TMEM106B: variants seen among roughly 807,000 people sequenced by gnomAD.
The protein encoded by TMEM106B is transmembrane protein 106B.
Under a neutral mutation model 31.1 loss-of-function variants are expected in TMEM106B, and 15 were observed. The observed-to-expected ratio is 0.48, with a 90% CI of 0.32 to 0.74. TMEM106B has a LOEUF of 0.74. Among genes scored for constraint, TMEM106B ranks in the 30% least tolerant of loss-of-function variants. The probability of loss-of-function intolerance (pLI) is 0.03; values close to 1 mark genes in which losing one functional copy is unlikely to be tolerated. For missense variants in TMEM106B, 283 were observed against 327.3 expected (o/e 0.86, Z 1.04); for synonymous variants, 126 against 112.5 (o/e 1.12, Z -0.76).
chr7:12,225,693 C>G (rs940878323), intron 4 of TMEM106B, among the ~76,000 whole-genome samples: 54 of 152,132 alleles, frequency 3.5e-4, no homozygotes, highest in Non-Finnish European at 5.9e-4. Flanking sequence ...CGTTCATATC[C>G]TTCGCCCACT....
intron 6 of TMEM106B, 171 bp downstream of exon 6, chr7:12,230,609 A>T (rs1240497203): frequency 2.0e-6 from 1 of 490,440 alleles, no homozygotes; most frequent in Non-Finnish European, 3.5e-6. Flanking sequence ...TATAATATTC[A>T]TGTATATATA....
In TMEM106B at chr7:12,211,587, C is replaced by G. The variant is rs185862533; in HGVS notation, c.-3+162C>G. 289 of 152,542 alleles carry G rather than the reference C, an allele frequency of 1.9e-3. 1 individual carries two copies. Among genetic ancestry groups the G allele is most frequent in the African/African-American group, 6.5e-3 (271 of 41,596 alleles). The allele number at this position is 152,542 out of a possible 1,614,324, so 9.4% of individuals were successfully genotyped here. On this transcript the variant is annotated intron_variant, in intron 1 of 7. Coordinates refer to ENST00000396668, the MANE Select transcript of TMEM106B (RefSeq NM_001134232.2). ...AGGGCTGGTGATCGAGTTGCTGTGT[C>G]GCCTCTAATGAGGCCCAGCCAGGGA...
Position 12,239,278 on chromosome 7 carries a change from A to G in TMEM106B, c.*7303A>G, listed in dbSNP as rs1019415422. The G allele has an allele frequency of 1.3e-5, 2 of 152,142 alleles. No individual in the cohort carries two copies. Among genetic ancestry groups the G allele is most frequent in the Admixed American group, 1.3e-4 (2 of 15,262 alleles). The allele number at this position is 152,142 out of a possible 1,614,324, so 9.4% of individuals were successfully genotyped here. ...CCTCATCTCTCTCAGCCTTCATAGA[A>G]TTGAAGCGTGTTAGGGCTTTGTTCA... is the stretch of plus-strand genomic sequence containing the variant. On this transcript the variant is annotated 3_prime_UTR_variant, in exon 8 of 8. Coordinates refer to ENST00000396668, the MANE Select transcript of TMEM106B (RefSeq NM_001134232.2).
Position 12,238,084 on chromosome 7 carries a change from A to T in TMEM106B, c.*6109A>T, listed in dbSNP as rs1348215296. The T allele has an allele frequency of 6.6e-6, 1 of 152,480 alleles. No homozygotes were observed. Among genetic ancestry groups the T allele is most frequent in the South Asian group, 2.1e-4 (1 of 4,844 alleles). 9.4% of individuals were successfully genotyped at this position (152,480 alleles called of 1,614,324 possible). A position where few individuals can be genotyped will look rare whatever the true frequency, so the allele number is the denominator to read the frequency against. ...TGTGATGCTGTTTTGATAGCATTTT[A>T]CCAATGGTAGGTCTTTTTTCAAAAT... On this transcript the variant is annotated 3_prime_UTR_variant, in exon 8 of 8. Coordinates refer to ENST00000396668, the MANE Select transcript of TMEM106B (RefSeq NM_001134232.2).
intron 3 of TMEM106B, among the ~76,000 whole-genome samples, chr7:12,219,857 T>C (rs372020312): frequency 6.6e-6 from 1 of 152,098 alleles, no homozygotes; most frequent in Non-Finnish European, 1.5e-5. Context: ...ATGTATGTAA[T>C]TGGAGCATCT....
rs748197777 is a variant in TMEM106B at position 12,224,352 on chromosome 7, T to A, written c.408T>A (p.Asp136Glu). 2 of 1,612,418 alleles carry A rather than the reference T, an allele frequency of 1.2e-6. No homozygotes were observed. The highest frequency in any genetic ancestry group is 2.7e-5 in the African/African-American group (2 of 74,916). Residue 136 changes from aspartate (D) to glutamate (E), a missense_variant, in exon 4 of 8, where the codon GAT becomes GAA. Physicochemically the swap from Asp to Glu is conservative, Grantham distance 45 (BLOSUM62 2). Around this residue, in one of 3 missense-constraint regions of TMEM106B, gnomAD observed 201 missense variants for 211.5 expected, o/e 0.95. Transcript: ENST00000396668. ...TAAAATCAGCCTATGTCAGTTATGATGTTCAGAAGCGTACAATTTATTTAA... is the reference window on the plus strand; with the variant it reads ...TAAAATCAGCCTATGTCAGTTATGAAGTTCAGAAGCGTACAATTTATTTAA... ...IGVKSAYVSY[D>E]VQKRTIYLNI...
rs1441274612 is a variant in TMEM106B, at chr7:12,237,810, T to TACACACACACACACACACACACACACAC, written c.*5836_*5837insCACACACACACACACACACACACACACA. On this transcript the variant is annotated 3_prime_UTR_variant, in exon 8 of 8. Coordinates refer to ENST00000396668, the MANE Select transcript of TMEM106B (RefSeq NM_001134232.2). Reference sequence around the variant, plus strand: ...ACATGGCGAGACCCCATATAAAATATATACATACACACACACACACACACA... The same window carrying TACACACACACACACACACACACACACAC: ...ACATGGCGAGACCCCATATAAAATATACACACACACACACACACACACACACACATACATACACACACACACACACACA... 1 of 117,872 alleles carries TACACACACACACACACACACACACACAC rather than the reference T, an allele frequency of 8.5e-6. No individual in the cohort carries two copies. The highest frequency in any genetic ancestry group is 8.5e-5 in the Admixed American group (1 of 11,722). The allele number at this position is 117,872 out of a possible 1,614,324, so 7.3% of individuals were successfully genotyped here. A position where few individuals can be genotyped will look rare whatever the true frequency, so the allele number is the denominator to read the frequency against.
At chr7:12,221,693 C>T (rs1781790851) in intron 3 of TMEM106B, among the ~76,000 whole-genome samples, 1 of 152,178 alleles carries the variant, frequency 6.6e-6, no homozygotes. Context: ...TTCCAGCCTG[C>T]AGCACAAGGA....
At chr7:12,217,637 C>G (rs969950034) in intron 2 of TMEM106B, among the ~76,000 whole-genome samples, 2 of 152,068 alleles carry the variant, frequency 1.3e-5, no homozygotes, top group East Asian at 3.9e-4. Context: ...GATATGTAAA[C>G]ACACAAAGAT....
intron 3 of TMEM106B, among the ~76,000 whole-genome samples, chr7:12,221,827 C>G (rs556477295): frequency 6.6e-6 from 1 of 152,266 alleles, no homozygotes; most frequent in East Asian, 1.9e-4. Context: ...GGAGAGGGTG[C>G]TCTTAAGCCT....
chr7:12,211,496 G>A (rs1396090648), intron 1 of TMEM106B, 71 bp downstream of exon 1: 2 of 152,540 alleles, frequency 1.3e-5, no homozygotes, highest in African/African-American at 4.8e-5. Context: ...GCCGCGGCTT[G>A]AGCCGGGCCT....
In TMEM106B at chr7:12,233,395, T is replaced by C. The variant is rs1269088582; in HGVS notation, c.*1420T>C. Reference sequence around the variant, plus strand: ...AATCAGGTTTCCCTTTCCCCACCCCTAAGTGCCTAACTTAGGTCTGAAACA... The same window carrying C: ...AATCAGGTTTCCCTTTCCCCACCCCCAAGTGCCTAACTTAGGTCTGAAACA... On this transcript the variant is annotated 3_prime_UTR_variant, in exon 8 of 8. Transcript: ENST00000396668. 1 of 151,668 alleles carries C rather than the reference T, an allele frequency of 6.6e-6. No homozygotes were observed. The highest frequency in any genetic ancestry group is 1.5e-5 in the Non-Finnish European group (1 of 67,664). 9.4% of individuals were successfully genotyped at this position (151,668 alleles called of 1,614,324 possible). A position where few individuals can be genotyped will look rare whatever the true frequency, so the allele number is the denominator to read the frequency against.
intron 4 of TMEM106B, among the ~76,000 whole-genome samples, chr7:12,228,783 C>A (rs1327004825): frequency 1.3e-5 from 2 of 151,986 alleles, no homozygotes; most frequent in East Asian, 3.8e-4. Context: ...TTGGTGCTTT[C>A]TATAAATTGT....
intron 6 of TMEM106B, 157 bp from the exon 7 acceptor site, chr7:12,230,905 A>G (rs1177897545): frequency 5.8e-6 from 3 of 520,604 alleles, no homozygotes; most frequent in Middle Eastern, 5.1e-4. Flanking sequence ...GTAAGAAGTC[A>G]TGAATATATC....
At chr7:12,221,087 A>ATGTGTGT (rs1554308776) in intron 3 of TMEM106B, among the ~76,000 whole-genome samples, 9 of 149,952 alleles carry the variant, frequency 6.0e-5, no homozygotes, top group Non-Finnish European at 1.0e-4. Context: ...AAGCAAGTAA[A>ATGTGTGT]GTGTGTGTGT....
Position 12,229,667 on chromosome 7 carries a change from C to G in TMEM106B, c.442-12C>G, listed in dbSNP as rs762762259. 5.9e-6 allele frequency: 9 copies of G among 1,519,660 alleles called. No homozygotes were observed. Among genetic ancestry groups the G allele is most frequent in the Non-Finnish European group, 7.1e-6 (8 of 1,134,280 alleles). 94.1% of individuals were successfully genotyped at this position (1,519,660 alleles called of 1,614,324 possible). On this transcript the variant is annotated splice_polypyrimidine_tract_variant and intron_variant, in intron 4 of 7. Transcript: ENST00000396668. ...AGCTAACTTGTAAATTTTCTGTGTCCTTTTTTTGTAGAACACACTAAATAT... is the reference window on the plus strand; with the variant it reads ...AGCTAACTTGTAAATTTTCTGTGTCGTTTTTTTGTAGAACACACTAAATAT...
rs1782209423 is a variant in TMEM106B at position 12,239,899 on chromosome 7, G to C, written c.*7924G>C. Reference sequence around the variant, plus strand: ...GCAAAAATTACCAAAATGCGACAGAGACATGAAATGAGAACATGCTGTTGA... The same window carrying C: ...GCAAAAATTACCAAAATGCGACAGACACATGAAATGAGAACATGCTGTTGA... On this transcript the variant is annotated 3_prime_UTR_variant, in exon 8 of 8. Coordinates refer to ENST00000396668, the MANE Select transcript of TMEM106B (RefSeq NM_001134232.2). 1 of 152,044 alleles carries C rather than the reference G, an allele frequency of 6.6e-6. No individual in the cohort carries two copies. Among genetic ancestry groups the C allele is most frequent in the Non-Finnish European group, 1.5e-5 (1 of 68,000 alleles). 9.4% of individuals were successfully genotyped at this position (152,044 alleles called of 1,614,324 possible). A position where few individuals can be genotyped will look rare whatever the true frequency, so the allele number is the denominator to read the frequency against.
chr7:12,231,113 G>A lies in TMEM106B; in HGVS notation c.684G>A (p.Met228Ile). Residue 228 changes from methionine to isoleucine, a missense_variant and splice_region_variant, in exon 7 of 8, where the codon ATG becomes ATA. Transcript: ENST00000396668. ...AAGTGCATAACATAGTACTCATGAT[G>A]CAGTAAGTACAAATCTTTTTTGAAA... ...SIKVHNIVLM[M>I]QVTVTTTYFG... 6.3e-7 allele frequency: 1 copy of A among 1,598,108 alleles called. No individual in the cohort carries two copies. The highest frequency in any genetic ancestry group is 8.5e-7 in the Non-Finnish European group (1 of 1,170,998).
In TMEM106B at chr7:12,235,773, T is replaced by A. The variant is rs975336650; in HGVS notation, c.*3798T>A. The A allele has an allele frequency of 6.6e-6, 1 of 151,796 alleles. No homozygotes were observed. Among genetic ancestry groups the A allele is most frequent in the Non-Finnish European group, 1.5e-5 (1 of 67,810 alleles). 9.4% of individuals were successfully genotyped at this position (151,796 alleles called of 1,614,324 possible). A position where few individuals can be genotyped will look rare whatever the true frequency, so the allele number is the denominator to read the frequency against. ...TAGGTACTTTTTAAAAGATGTAAAT[T>A]TTTAAATTTACAAATACATATGGGT... On this transcript the variant is annotated 3_prime_UTR_variant, in exon 8 of 8. Coordinates refer to ENST00000396668, the MANE Select transcript of TMEM106B (RefSeq NM_001134232.2).
Sources: allele counts gnomAD v4.1 joint callset (sites outside exome capture counted in the v4.1 genomes callset), GRCh38; gene constraint gnomAD v4.1.1; regional missense constraint gnomAD v4.1.1; transcripts MANE v1.5; gene names NCBI Gene and HGNC (gene_info 2026-07-23, HGNC 2026-07-21).